CDH4: variants seen among roughly 807,000 people sequenced by gnomAD.
CDH4 encodes cadherin-4.
A neutral mutation model predicts 86.0 loss-of-function variants in CDH4; 33 were observed. The observed-to-expected ratio is 0.38, with a 90% confidence interval of 0.29 to 0.51. The LOEUF is 0.51. Ranked by LOEUF, CDH4 falls within the 20% of genes least tolerant of loss-of-function variation. CDH4 has a pLI of 0.86. For synonymous variants in CDH4, 555 were observed against 549.4 expected (o/e 1.01, Z -0.14); for missense variants, 1,114 against 1,307.4 (o/e 0.85, Z 2.28).
At chr20:61,471,867 CT>C (rs112114330) in intron 2 of CDH4, among the ~76,000 whole-genome samples, 6,235 of 152,062 alleles carry the variant, frequency 0.041, 434 homozygotes, top group African/African-American at 0.14. Context: ...TGGTCAGATA[CT>C]TGATATTATT....
chr20:61,929,478 T>C, intron 12 of CDH4, 131 bp from the exon 13 acceptor site: 1 of 667,718 alleles, frequency 1.5e-6, no homozygotes, highest in Non-Finnish European at 2.7e-6. Context: ...CAGGTGTATG[T>C]ATGTATGTGT....
chr20:61,804,951 T>C (rs1211255080), intron 4 of CDH4, among the ~76,000 whole-genome samples: 2 of 151,928 alleles, frequency 1.3e-5, no homozygotes, highest in Non-Finnish European at 1.5e-5. Flanking sequence ...AATGCCAGAG[T>C]CAGCAGGCGC....
intron 4 of CDH4, among the ~76,000 whole-genome samples, chr20:61,781,800 G>A (rs1262745420): frequency 2.0e-5 from 3 of 152,136 alleles, no homozygotes; most frequent in Non-Finnish European, 2.9e-5. Flanking sequence ...TACAAAGAAC[G>A]CCGTTCACCG....
chr20:61,374,536 C>T (rs772202734), intron 2 of CDH4, among the ~76,000 whole-genome samples: 2 of 152,180 alleles, frequency 1.3e-5, no homozygotes, highest in Admixed American at 1.3e-4. Flanking sequence ...GTTTCCTCAG[C>T]TGTGAGATGG....
chr20:61,914,258 G>A (rs1243409366), intron 9 of CDH4, among the ~76,000 whole-genome samples: 1 of 152,176 alleles, frequency 6.6e-6, no homozygotes, highest in Non-Finnish European at 1.5e-5. Flanking sequence ...CAGGTAGCTG[G>A]GGCTTCACAC....
chr20:61,690,317 C>G (rs781078911), intron 2 of CDH4, among the ~76,000 whole-genome samples: 5 of 152,174 alleles, frequency 3.3e-5, no homozygotes, highest in Admixed American at 6.5e-5. Flanking sequence ...TGTATTGTCA[C>G]TCCCGGGAGG....
intron 2 of CDH4, among the ~76,000 whole-genome samples, chr20:61,620,174 A>ATGGATGGATGGATGGATGGGTGTG (rs1413346289): frequency 5.2e-5 from 3 of 57,952 alleles, no homozygotes; most frequent in African/African-American, 1.4e-4. Flanking sequence ...GGATGGATGG[A>ATGGATGGATGGATGGATGGGTGTG]TGGGTGGGTG....
intron 2 of CDH4, among the ~76,000 whole-genome samples, chr20:61,702,957 G>C (rs979729845): frequency 2.6e-5 from 4 of 152,370 alleles, no homozygotes; most frequent in African/African-American, 9.6e-5. Context: ...TCAGCTGGCA[G>C]AGGCTGTGTG....
chr20:61,584,206 T>C (rs546158777), intron 2 of CDH4, among the ~76,000 whole-genome samples: 2 of 152,320 alleles, frequency 1.3e-5, no homozygotes, highest in African/African-American at 4.8e-5. Context: ...AAACTCCTTC[T>C]AGTGGCTTTC....
Position 61,590,876 on chromosome 20 carries a change from T to TGCC in CDH4, c.170-152686_170-152685insCCG, listed in dbSNP as rs535456574. 4.7e-4 allele frequency among the ~76,000 whole-genome samples: 64 copies of TGCC among 137,594 alleles called. No homozygotes were observed. In the East Asian group the frequency reaches 0.012, roughly 26 times the overall value. The allele number at this position is 137,594 out of a possible 152,430, so 90.3% of individuals were successfully genotyped here. ...CAAAGCCTTGTCTTCCCTAAATCTA[T>TGCC]GGGGGGGGGGGTCCCCGGGTCTCCA... is the stretch of plus-strand genomic sequence containing the variant. On this transcript the variant is annotated intron_variant, in intron 2 of 15. Transcript: ENST00000614565.
intron 13 of CDH4, among the ~76,000 whole-genome samples, chr20:61,932,712 C>T (rs373969324): frequency 1.3e-5 from 2 of 152,208 alleles, no homozygotes; most frequent in Admixed American, 6.5e-5. Flanking sequence ...TGCGGATACA[C>T]GTATGCATGC....
chr20:61,933,940 C>T, intron 14 of CDH4, 116 bp from the exon 15 acceptor site: 1 of 1,194,432 alleles, frequency 8.4e-7, no homozygotes, highest in Non-Finnish European at 1.2e-6. Flanking sequence ...GCTTGGAGAC[C>T]AGGCCACAGG....
chr20:61,538,184 G>A (rs1379007903), intron 2 of CDH4, among the ~76,000 whole-genome samples: 3 of 152,216 alleles, frequency 2.0e-5, no homozygotes, highest in Non-Finnish European at 4.4e-5. Flanking sequence ...TGAGATATGT[G>A]GTGGGCACCC....
At chr20:61,857,812 G>C (rs1983088685) in intron 6 of CDH4, among the ~76,000 whole-genome samples, 1 of 152,262 alleles carries the variant, frequency 6.6e-6, no homozygotes, top group African/African-American at 2.4e-5. Context: ...TCACAGCCAG[G>C]AAACTGACCT....
intron 2 of CDH4, among the ~76,000 whole-genome samples, chr20:61,669,226 G>A (rs1285050198): frequency 6.6e-6 from 1 of 152,236 alleles, no homozygotes; most frequent in Non-Finnish European, 1.5e-5. Flanking sequence ...ACATGTGACT[G>A]TGGGCCTGGA....
At chr20:61,861,685 C>T (rs1047996703) in intron 6 of CDH4, among the ~76,000 whole-genome samples, 3 of 152,162 alleles carry the variant, frequency 2.0e-5, no homozygotes, top group African/African-American at 7.2e-5. Context: ...GTGGTGGTCA[C>T]CCCGCTTCTC....
chr20:61,345,769 G>A (rs1225324215), intron 2 of CDH4, among the ~76,000 whole-genome samples: 3 of 152,190 alleles, frequency 2.0e-5, no homozygotes, highest in East Asian at 1.9e-4. Flanking sequence ...CTTCATCCTC[G>A]GGGAGGGCTC....
At chr20:61,900,915 A>C (rs1408332056) in intron 8 of CDH4, among the ~76,000 whole-genome samples, 1 of 152,232 alleles carries the variant, frequency 6.6e-6, no homozygotes, top group Non-Finnish European at 1.5e-5. Flanking sequence ...GACTCAAAGA[A>C]AGACCAATGA....
rs139367838 is a variant in CDH4 at position 61,309,204 on chromosome 20, G to T, written c.169+54267G>T. On this transcript the variant is annotated intron_variant, in intron 2 of 15. Coordinates refer to ENST00000614565, the MANE Select transcript of CDH4 (RefSeq NM_001794.5). ...TCTCTGGAGCTGGGTCCTGAGGCCA[G>T]CTGGCTGAGTGCTGGGGTCCTGGGG... 6.5e-3 allele frequency among the ~76,000 whole-genome samples: 983 copies of T among 152,350 alleles called. 12 individuals are homozygous for T. Among genetic ancestry groups the T allele is most frequent in the African/African-American group, 0.022 (914 of 41,586 alleles).
Sources: gnomAD v4.1 joint callset for allele counts (sites outside exome capture counted in the v4.1 genomes callset) on GRCh38, gnomAD v4.1.1 for gene constraint, MANE v1.5 for transcripts, NCBI Gene and HGNC (gene_info 2026-07-23, HGNC 2026-07-21) for gene names.